Variants in MYOM2 observed in about 807,000 individuals in gnomAD.
The protein encoded by MYOM2 is myomesin-2.
Under a neutral mutation model 187.6 loss-of-function variants are expected in MYOM2, and 254 were observed. The ratio of observed to expected loss-of-function variants is 1.35; its 90% CI spans 1.22 to 1.50. The LOEUF is 1.50. MYOM2 is among the 40% of genes most tolerant of loss of function. The pLI, the probability that MYOM2 is intolerant of heterozygous loss-of-function variation, is 0.00. For missense variants in MYOM2, 2,796 were observed against 1,924.0 expected (o/e 1.45, Z -8.48); for synonymous variants, 981 against 753.8 (o/e 1.30, Z -4.94).
Position 2,098,975 on chromosome 8 carries a change from C to T in MYOM2, c.2432C>T (p.Pro811Leu), listed in dbSNP as rs147766516. 3.2e-4 allele frequency: 513 copies of T among 1,603,876 alleles called. 1 individual carries two copies. The highest frequency in any genetic ancestry group is 2.7e-3 in the East Asian group (119 of 44,530). ...EHFKCEAWTMPEPGPAYDLTF... is the reference protein window; with the variant it reads ...EHFKCEAWTMLEPGPAYDLTF... ...TTCAAGTGTGAGGCCTGGACCATGC[C>T]GGAGCCCGGTGAGTCGCTGCCCCCA... Residue 811 changes from proline (P) to leucine (L), a missense_variant, in exon 19 of 37, where the codon CCG (proline) becomes CTG (leucine). By Grantham distance (98) the Pro-to-Leu change is moderately conservative (BLOSUM62 -3). Coordinates refer to ENST00000262113, the MANE Select transcript of MYOM2 (RefSeq NM_003970.4).
At chr8:2,074,891 T>G (rs1166723430) in intron 10 of MYOM2, among the ~76,000 whole-genome samples, 1 of 152,226 alleles carries the variant, frequency 6.6e-6, no homozygotes, top group African/African-American at 2.4e-5. Flanking sequence ...GTCAGAGCGC[T>G]CCTGCGCCAT....
rs373046504 is a variant in MYOM2, at chr8:2,057,390, G to C, written c.306G>C (p.Gln102His). The C allele has an allele frequency of 1.9e-6, 3 of 1,613,748 alleles. No homozygotes were observed. Among genetic ancestry groups the C allele is most frequent in the East Asian group, 2.2e-5 (1 of 44,890 alleles). The part of the protein sequence containing the change: ...LVAAYGEAKR[Q>H]RFLSELAHLE... The stretch of plus-strand genomic sequence containing the variant: ...CCGCCTATGGTGAGGCCAAGCGACA[G>C]CGCTTCCTCAGCGAGCTGGCCCACT... The change falls in exon 4 of 37, where the codon CAG becomes CAC. Residue 102 changes from glutamine (Q) to histidine (H), a missense_variant. By Grantham distance (24) the Gln-to-His change is conservative. Transcript: ENST00000262113.
In MYOM2 at chr8:2,051,692, C is replaced by T. The variant is rs181735642; in HGVS notation, c.108-466C>T. Reference sequence around the variant, plus strand: ...GGCGTGGAGCCAGAAAGACTGTGGCCGGCACTGGCTGGCTCTGAAGGGAGG... The same window carrying T: ...GGCGTGGAGCCAGAAAGACTGTGGCTGGCACTGGCTGGCTCTGAAGGGAGG... On this transcript the variant is annotated intron_variant, in intron 2 of 36. Coordinates refer to ENST00000262113, the MANE Select transcript of MYOM2 (RefSeq NM_003970.4). Among the ~76,000 whole-genome samples the T allele has an allele frequency of 3.7e-3, 563 of 152,294 alleles. 3 individuals are homozygous for T. Among genetic ancestry groups the T allele is most frequent in the African/African-American group, 0.013 (534 of 41,564 alleles).
At chr8:2,096,213 C>T (rs374279388) in intron 17 of MYOM2, 34 bp from the exon 18 acceptor site, 96 of 1,592,926 alleles carry the variant, frequency 6.0e-5, no homozygotes, top group Non-Finnish European at 7.1e-5. Context: ...CCAGCTGAGG[C>T]CCTCGGTAAC....
intron 2 of MYOM2, 92 bp downstream of exon 2, chr8:2,050,965 G>A (rs764075641): frequency 2.5e-4 from 241 of 982,404 alleles, no homozygotes; most frequent in Non-Finnish European, 3.6e-4. Flanking sequence ...CCCTGGAGAG[G>A]CACTGGTTTG....
At chr8:2,105,550 C>T (rs1044856138) in intron 21 of MYOM2, among the ~76,000 whole-genome samples, 1 of 152,186 alleles carries the variant, frequency 6.6e-6, no homozygotes, top group Non-Finnish European at 1.5e-5. Flanking sequence ...GGCTGCTGGG[C>T]TTCCCCTGAG....
intron 14 of MYOM2, 113 bp from the exon 15 acceptor site, chr8:2,089,895 G>A (rs1183606147): frequency 2.2e-5 from 20 of 892,034 alleles, no homozygotes; most frequent in Non-Finnish European, 3.2e-5. Context: ...GAGACGCAGC[G>A]GGCGCGCCTG....
intron 14 of MYOM2, among the ~76,000 whole-genome samples, chr8:2,087,153 T>A (rs1475249662): frequency 6.6e-6 from 1 of 152,246 alleles, no homozygotes; most frequent in Non-Finnish European, 1.5e-5. Flanking sequence ...TAGGCCATAG[T>A]TGGATAAGAC....
rs527733489 is a variant in MYOM2 at position 2,124,149 on chromosome 8, G to A, written c.3656-30G>A. 62 of 1,602,038 alleles carry A rather than the reference G, an allele frequency of 3.9e-5. 2 individuals carry two copies. The South Asian group carries it at 4.3e-4, about 11-fold the overall frequency. On this transcript the variant is annotated intron_variant, in intron 30 of 36. Transcript: ENST00000262113. ...CTGCTTTCGGTTAAAGTTACATGTCGTAATGGTGCGTATCCCTTCTCATTT... is the reference window on the plus strand; with the variant it reads ...CTGCTTTCGGTTAAAGTTACATGTCATAATGGTGCGTATCCCTTCTCATTT...
At chr8:2,107,194 C>A (rs1205837878) in intron 23 of MYOM2, among the ~76,000 whole-genome samples, 3 of 152,098 alleles carry the variant, frequency 2.0e-5, no homozygotes, top group Non-Finnish European at 4.4e-5. Flanking sequence ...AACTGCCTAG[C>A]ATCACGTGTA....
Position 2,085,473 on chromosome 8 carries a change from C to T in MYOM2, c.1644+83C>T, listed in dbSNP as rs376406650. 3,913 of 1,478,312 alleles carry T rather than the reference C, an allele frequency of 2.6e-3. 409 individuals carry two copies. The East Asian group carries it at 0.043, about 16-fold the overall frequency. 91.6% of individuals were successfully genotyped at this position (1,478,312 alleles called of 1,614,324 possible). On this transcript the variant is annotated intron_variant, in intron 14 of 36. Transcript: ENST00000262113. ...TGATCTCTGCGTGGCCCACCGCTGT[C>T]GTGATCTCCGCGTGGCCCCTCACTG...
At chr8:2,129,070 G>A (rs1797758172) in intron 31 of MYOM2, 57 bp from the exon 32 acceptor site, 1 of 1,324,752 alleles carries the variant, frequency 7.5e-7, no homozygotes, top group Non-Finnish European at 1.1e-6. Flanking sequence ...GATGCTTTCT[G>A]TGATCACACA....
intron 19 of MYOM2, 118 bp downstream of exon 19, chr8:2,099,101 C>T (rs1013283680): frequency 3.4e-5 from 45 of 1,331,162 alleles, no homozygotes; most frequent in South Asian, 7.8e-5. Flanking sequence ...CTCCGACACC[C>T]GCAGCCGCAG....
Position 2,065,475 on chromosome 8 carries a change from C to A in MYOM2, c.654-3803C>A, listed in dbSNP as rs1355515639. On this transcript the variant is annotated intron_variant, in intron 6 of 36. Transcript: ENST00000262113. ...ATCCCAGCTACTCAGGAGGCTGAGG[C>A]AGGAGAATTGCTTGAACCTGGGAAG... Among the ~76,000 whole-genome samples, 4 of 152,120 alleles carry A rather than the reference C, an allele frequency of 2.6e-5. No homozygotes were observed. The East Asian group carries it at 7.7e-4, about 29-fold the overall frequency.
At position 2,052,092 on chromosome 8, in the gene MYOM2, G is replaced by A. The variant is rs768375106; in HGVS notation, c.108-66G>A. 6.9e-4 allele frequency: 1,099 copies of A among 1,594,908 alleles called. 4 individuals carry two copies. The highest frequency in any genetic ancestry group is 6.0e-4 in the Non-Finnish European group (702 of 1,168,268). ...GGGGTGTGTAGAGAGAAAGTGATGT[G>A]TGTCAGGATAAATTTCCATACTGTG... On this transcript the variant is annotated intron_variant, in intron 2 of 36. Transcript: ENST00000262113.
intron 32 of MYOM2, among the ~76,000 whole-genome samples, chr8:2,138,383 G>T (rs573458204): frequency 6.6e-6 from 1 of 152,314 alleles, no homozygotes; most frequent in East Asian, 1.9e-4. Flanking sequence ...CTGGGGCTCT[G>T]CTGCGGGGTC....
chr8:2,129,966 G>T (rs920037679), intron 32 of MYOM2, among the ~76,000 whole-genome samples: 53 of 152,196 alleles, frequency 3.5e-4, no homozygotes, highest in Non-Finnish European at 1.3e-4. Context: ...AGGACAGACA[G>T]AGCAGGGACG....
At chr8:2,054,956 A>C (rs929149494) in intron 3 of MYOM2, among the ~76,000 whole-genome samples, 5 of 140,946 alleles carry the variant, frequency 3.5e-5, no homozygotes, top group African/African-American at 1.3e-4. Context: ...AAGTACCTGG[A>C]TACTGGGGGA....
chr8:2,099,211 T>C (rs2116767356), intron 19 of MYOM2, among the ~76,000 whole-genome samples: 1 of 152,104 alleles, frequency 6.6e-6, no homozygotes, highest in Non-Finnish European at 1.5e-5. Context: ...GAGGGCAGAG[T>C]AGGAGGCCCT....
Sources: gnomAD v4.1 joint callset for allele counts (sites outside exome capture counted in the v4.1 genomes callset) on GRCh38, gnomAD v4.1.1 for gene constraint, MANE v1.5 for transcripts, NCBI Gene and HGNC (gene_info 2026-07-23, HGNC 2026-07-21) for gene names.